The following RYR2 variants were observed in gnomAD, a reference collection of about 807,000 sequenced individuals.
RYR2 encodes ryanodine receptor 2.
RYR2 carries 227 observed loss-of-function variants against 601.1 expected under a neutral mutation model. That is an observed-to-expected ratio of 0.38 (90% CI 0.34 to 0.42). The LOEUF is 0.42. Ranked by LOEUF, RYR2 falls within the 10% of genes least tolerant of loss-of-function variation. RYR2 has a pLI of 1.00. For synonymous variants in RYR2, 2,223 were observed against 2,175.1 expected, an observed-to-expected ratio of 1.02 and a Z score of -0.61; for missense variants, 4,646 against 6,156.5, an observed-to-expected ratio of 0.75 and a Z score of 8.21.
intron 62 of RYR2, among the ~76,000 whole-genome samples, chr1:237,686,528 G>A (rs541393055): frequency 2.4e-4 from 37 of 152,156 alleles, no homozygotes; most frequent in South Asian, 2.1e-3. Context: ...TTTGAGGGAC[G>A]AGTAGATGGG....
Position 237,757,384 on chromosome 1 carries a change from A to G in RYR2, c.11246-313A>G, listed in dbSNP as rs1016492207. 2.0e-5 allele frequency among the ~76,000 whole-genome samples: 3 copies of G among 152,354 alleles called. No individual in the cohort carries two copies. The South Asian group carries it at 6.2e-4, about 32-fold the overall frequency. On this transcript the variant is annotated intron_variant, in intron 81 of 104. Coordinates refer to ENST00000366574, the MANE Select transcript of RYR2 (RefSeq NM_001035.3). Reference sequence around the variant, plus strand: ...ACTTATTTTAATGTTTATTAAACACATAATTAATCTTGAATCTTAATAATT... The same window carrying G: ...ACTTATTTTAATGTTTATTAAACACGTAATTAATCTTGAATCTTAATAATT...
At chr1:237,161,853 AAC>A (rs1487669639) in intron 1 of RYR2, among the ~76,000 whole-genome samples, 6 of 152,262 alleles carry the variant, frequency 3.9e-5, no homozygotes, top group Non-Finnish European at 8.8e-5. Flanking sequence ...TAAAACAGCT[AAC>A]CAGGTTTCAA....
At position 237,784,152 on chromosome 1, in the gene RYR2, G is replaced by C; in HGVS notation, c.12440G>C (p.Arg4147Thr). The C allele has an allele frequency of 6.2e-7, 1 of 1,613,980 alleles. No individual in the cohort carries two copies. Among genetic ancestry groups the C allele is most frequent in the Non-Finnish European group, 8.5e-7 (1 of 1,179,886 alleles). ...ATGGGAAGCGCCAAACGCATCGAGA[G>C]GGTCTATTTTGAAATCAGTGAGTCC... is the stretch of plus-strand genomic sequence containing the variant. ...EIMGSAKRIE[R>T]VYFEISESSR... Residue 4147 changes from arginine (R) to threonine (T), a missense_variant, in exon 90 of 105, where the codon AGG becomes ACG. Arg to Thr is a moderately conservative substitution (Grantham distance 71). This residue lies in a region of RYR2 where 70 missense variants were observed against 164.6 expected (regional missense o/e 0.43). Coordinates refer to ENST00000366574, the MANE Select transcript of RYR2 (RefSeq NM_001035.3). The surrounding 1 kb of genome is among the most constrained non-coding windows in gnomAD (Gnocchi z 7.1).
intron 1 of RYR2, among the ~76,000 whole-genome samples, chr1:237,239,272 G>C (rs546623357): frequency 5.9e-5 from 9 of 152,044 alleles, no homozygotes; most frequent in Non-Finnish European, 1.3e-4. Flanking sequence ...TCAAAGACAC[G>C]GACATGGAGT....
chr1:237,221,706 G>A (rs748539858), intron 1 of RYR2, among the ~76,000 whole-genome samples: 4 of 152,118 alleles, frequency 2.6e-5, no homozygotes, highest in Non-Finnish European at 5.9e-5. Context: ...TTTGTTTAGA[G>A]TGCTTGTATT....
At chr1:237,043,092 C>T (rs1187935289) in intron 1 of RYR2, among the ~76,000 whole-genome samples, 3 of 152,212 alleles carry the variant, frequency 2.0e-5, no homozygotes, top group Non-Finnish European at 2.9e-5. Context: ...TCGCTTACTC[C>T]GTGTAGCGTG....
At chr1:237,156,123 C>T (rs191874705) in intron 1 of RYR2, among the ~76,000 whole-genome samples, 1 of 152,290 alleles carries the variant, frequency 6.6e-6, no homozygotes, top group African/African-American at 2.4e-5. Context: ...TCTCTGACCT[C>T]TTCCTCTGCT....
At position 237,566,750 on chromosome 1, in the gene RYR2, G is replaced by A. The variant is rs374397612; in HGVS notation, c.3398G>A (p.Arg1133His). 4.4e-5 allele frequency: 71 copies of A among 1,613,984 alleles called. No individual in the cohort carries two copies. The South Asian group carries it at 6.9e-4, about 16-fold the overall frequency. Residue 1133 changes from arginine (R) to histidine (H), a missense_variant, in exon 28 of 105, where the codon CGT (arginine) becomes CAT (histidine). By Grantham distance (29) the Arg-to-His change is conservative. This residue lies in a region of RYR2 where 1,807 missense variants were observed against 2,088.1 expected (regional missense o/e 0.87). Coordinates refer to ENST00000366574, the MANE Select transcript of RYR2 (RefSeq NM_001035.3). Reference sequence around the variant, plus strand: ...GATCAGGAGCTTGGCTCAGATGAACGTGCCTTTGCCTTTGATGGCTTCAAG... The same window carrying A: ...GATCAGGAGCTTGGCTCAGATGAACATGCCTTTGCCTTTGATGGCTTCAAG... ...QPDQELGSDE[R>H]AFAFDGFKAQ...
intron 1 of RYR2, among the ~76,000 whole-genome samples, chr1:237,239,784 G>A (rs1176668315): frequency 6.6e-6 from 1 of 152,202 alleles, no homozygotes; most frequent in Non-Finnish European, 1.5e-5. Flanking sequence ...TCATACAGCA[G>A]TGTGCTTGAA....
At chr1:237,523,288 G>A (rs1416307803) in intron 24 of RYR2, among the ~76,000 whole-genome samples, 4 of 152,108 alleles carry the variant, frequency 2.6e-5, no homozygotes, top group African/African-American at 4.8e-5. Flanking sequence ...GAAGAGACAG[G>A]CCACCAGCTG....
intron 1 of RYR2, among the ~76,000 whole-genome samples, chr1:237,243,412 A>G (rs1200743093): frequency 6.6e-6 from 1 of 152,076 alleles, no homozygotes; most frequent in Non-Finnish European, 1.5e-5. Context: ...ACTTATTTAC[A>G]TTTACGGGCT....
At chr1:237,451,095 T>C (rs1414671148) in intron 14 of RYR2, among the ~76,000 whole-genome samples, 1 of 152,072 alleles carries the variant, frequency 6.6e-6, no homozygotes, top group African/African-American at 2.4e-5. Context: ...TATTACCTAT[T>C]ATAAGTCCCA....
intron 11 of RYR2, among the ~76,000 whole-genome samples, chr1:237,419,245 A>T (rs1705316035): frequency 6.6e-6 from 1 of 152,116 alleles, no homozygotes; most frequent in African/African-American, 2.4e-5. Context: ...TTGAGTGCTT[A>T]AAGAAATATT....
At chr1:237,494,437 C>G in intron 19 of RYR2, among the ~76,000 whole-genome samples, 1 of 152,312 alleles carries the variant, frequency 6.6e-6, no homozygotes, top group Non-Finnish European at 1.5e-5. Flanking sequence ...CCTCTGTCTG[C>G]TTTTATTCTA....
rs564460801 is a variant in RYR2 at position 237,432,302 on chromosome 1, A to G, written c.1006-9017A>G. Reference sequence around the variant, plus strand: ...CTTAAATATATATGCATCTCCTAATATTTCAAATGAGCTCCGAATCATAAC... The same window carrying G: ...CTTAAATATATATGCATCTCCTAATGTTTCAAATGAGCTCCGAATCATAAC... On this transcript the variant is annotated intron_variant, in intron 12 of 104. Transcript: ENST00000366574. Among the ~76,000 whole-genome samples the G allele has an allele frequency of 9.1e-4, 138 of 152,236 alleles. 1 individual carries two copies. Among genetic ancestry groups the G allele is most frequent in the African/African-American group, 3.1e-3 (129 of 41,550 alleles).
chr1:237,756,290 A>G lies in RYR2; in HGVS notation c.11148A>G (p.Glu3716=). Reference sequence around the variant, plus strand: ...AAATGGTTGGGATTTGTGTTCAGGAAAAAGAAATGGAAAAGCAAAAGCTTC... The same window carrying G: ...AAATGGTTGGGATTTGTGTTCAGGAGAAAGAAATGGAAAAGCAAAAGCTTC... ...DGEEEVKSFE[E]KEMEKQKLLY... Residue 3716 remains glutamate, a splice_region_variant and synonymous_variant, in exon 81 of 105, where the codon GAA becomes GAG. Transcript: ENST00000366574. 6.2e-7 allele frequency: 1 copy of G among 1,610,546 alleles called. No individual in the cohort carries two copies. The highest frequency in any genetic ancestry group is 8.5e-7 in the Non-Finnish European group (1 of 1,176,844).
chr1:237,191,565 T>C (rs1362840503), intron 1 of RYR2, among the ~76,000 whole-genome samples: 2 of 152,134 alleles, frequency 1.3e-5, no homozygotes, highest in African/African-American at 4.8e-5. Context: ...AAACACTTCT[T>C]TTGCTGCGGA....
chr1:237,651,602 G>A (rs1682739452), intron 51 of RYR2, 101 bp downstream of exon 51: 1 of 726,494 alleles, frequency 1.4e-6, no homozygotes, highest in Non-Finnish European at 2.3e-6. Flanking sequence ...GCTTGACGCT[G>A]GGAAATTTCT....
chr1:237,740,296 T>C (rs1435762677), intron 79 of RYR2, among the ~76,000 whole-genome samples: 3 of 152,190 alleles, frequency 2.0e-5, no homozygotes, highest in Non-Finnish European at 4.4e-5. Context: ...AAGTTTAAAG[T>C]AGTTTTTATA....
Sources: allele counts gnomAD v4.1 joint callset (sites outside exome capture counted in the v4.1 genomes callset), GRCh38; gene constraint gnomAD v4.1.1; regional missense constraint gnomAD v4.1.1; non-coding constraint Gnocchi (gnomAD v3.1); transcripts MANE v1.5; gene names NCBI Gene and HGNC (gene_info 2026-07-23, HGNC 2026-07-21).